The following ZNF469 variants were observed in gnomAD, a reference collection of about 807,000 sequenced individuals.
The protein encoded by ZNF469 is zinc finger protein 469.
Under a neutral mutation model 1.0 loss-of-function variants are expected in ZNF469, and 1 was observed. The observed-to-expected ratio is 1.00, with a 90% CI of 0.35 to 4.73. The LOEUF (loss-of-function observed/expected upper bound fraction) is 4.73, where lower values mean the gene tolerates loss of function less well. Among genes scored for constraint, ZNF469 ranks in the 30% most tolerant of loss-of-function variants. The probability of loss-of-function intolerance (pLI) is 0.16; values close to 1 mark genes in which losing one functional copy is unlikely to be tolerated. For synonymous variants in ZNF469, 2,703 were observed against 2,363.4 expected (o/e 1.14, Z -4.17); for missense variants, 6,100 against 5,356.3 (o/e 1.14, Z -4.33).
At chr16:88,232,566 G>A in the ZNF469 span, among the ~76,000 whole-genome samples, 2 of 152,334 alleles carry the variant, frequency 1.3e-5, no homozygotes, top group South Asian at 2.1e-4. Flanking sequence ...CCCAGTTAAC[G>A]CTGTCCTTGT....
At chr16:88,219,867 C>T in the ZNF469 span, among the ~76,000 whole-genome samples, 2 of 152,262 alleles carry the variant, frequency 1.3e-5, no homozygotes, top group Admixed American at 6.5e-5. Context: ...AGTGGCCCTC[C>T]GTGGGTACAG....
At chr16:88,317,207 G>A in the ZNF469 span, among the ~76,000 whole-genome samples, 2 of 152,214 alleles carry the variant, frequency 1.3e-5, no homozygotes, top group Non-Finnish European at 2.9e-5. Context: ...GCAGGGTGGG[G>A]AGCCGAAGCA....
rs1189665417 is a variant in ZNF469 at position 88,432,273 on chromosome 16, A to G, written c.4803A>G (p.Thr1601=). The G allele has an allele frequency of 1.2e-5, 19 of 1,547,326 alleles. No homozygotes were observed. The East Asian group carries it at 4.4e-4, about 36-fold the overall frequency. Residue 1601 remains threonine (T), a synonymous_variant, in exon 3 of 3, where the codon ACA becomes ACG. Transcript: ENST00000565624. ...AESVGRVELG[T]GTEPPSQRRT... Reference sequence around the variant, plus strand: ...CGGTGGGCAGGGTGGAGCTCGGCACAGGCACAGAGCCACCCTCCCAACGGC... The same window carrying G: ...CGGTGGGCAGGGTGGAGCTCGGCACGGGCACAGAGCCACCCTCCCAACGGC...
At chr16:88,382,446 A>C (rs564430940), upstream of ZNF469, among the ~76,000 whole-genome samples, 2 of 152,300 alleles carry the variant, frequency 1.3e-5, no homozygotes, top group South Asian at 4.1e-4. Context: ...CAAGGGACCC[A>C]GAGTGGAGAC....
the ZNF469 span, among the ~76,000 whole-genome samples, chr16:88,132,974 G>T: frequency 6.6e-6 from 1 of 152,254 alleles, no homozygotes; most frequent in Admixed American, 6.5e-5. Context: ...TGCCACTCCA[G>T]GTAGGCACAG....
chr16:88,217,353 A>G, the ZNF469 span, among the ~76,000 whole-genome samples: 22 of 152,246 alleles, frequency 1.4e-4, no homozygotes, highest in Non-Finnish European at 2.2e-4. Flanking sequence ...AGAGTTTTCT[A>G]TGGAAAGCGT....
chr16:88,317,954 C>A, the ZNF469 span, among the ~76,000 whole-genome samples: 1 of 152,236 alleles, frequency 6.6e-6, no homozygotes, highest in African/African-American at 2.4e-5. Flanking sequence ...GTGAGGTCCC[C>A]GTGCCTTGGC....
At chr16:88,366,261 T>G in the ZNF469 span, among the ~76,000 whole-genome samples, 1 of 135,298 alleles carries the variant, frequency 7.4e-6, no homozygotes, top group African/African-American at 2.8e-5. Flanking sequence ...CCACCACTAT[T>G]ATCATCACCA....
At chr16:88,110,405 C>G in the ZNF469 span, among the ~76,000 whole-genome samples, 1 of 152,260 alleles carries the variant, frequency 6.6e-6, no homozygotes, top group African/African-American at 2.4e-5. Context: ...CCACGGTCTC[C>G]GTCCGTCTTC....
the ZNF469 span, among the ~76,000 whole-genome samples, chr16:88,331,248 G>GTCACCA: frequency 1.0e-5 from 1 of 97,084 alleles, no homozygotes; most frequent in Non-Finnish European, 2.2e-5. Flanking sequence ...CATCACCATC[G>GTCACCA]TCACCATCAC....
At chr16:88,310,518 T>A in the ZNF469 span, among the ~76,000 whole-genome samples, 157 of 152,272 alleles carry the variant, frequency 1.0e-3, no homozygotes, top group African/African-American at 3.7e-3. Context: ...TTCTGTAGCC[T>A]GTGTCTTGGA....
At chr16:88,169,761 C>T in the ZNF469 span, among the ~76,000 whole-genome samples, 2 of 152,200 alleles carry the variant, frequency 1.3e-5, no homozygotes, top group Middle Eastern at 3.2e-3. This position sits in a 1 kb window ranked among gnomAD's most constrained non-coding sequence, Gnocchi z 6.1. Flanking sequence ...AGGGCTTTGG[C>T]GTGTGCATGT....
At chr16:88,386,082 A>G (rs989913218) in intron 1 of ZNF469, among the ~76,000 whole-genome samples, 1 of 151,932 alleles carries the variant, frequency 6.6e-6, no homozygotes, top group Admixed American at 6.5e-5. Context: ...GGTCCCGTGG[A>G]CTCTGCCTTC....
Position 88,431,090 on chromosome 16 carries a change from C to T in ZNF469, c.3620C>T (p.Thr1207Ile). 1 of 1,550,178 alleles carries T rather than the reference C, an allele frequency of 6.5e-7. No individual in the cohort carries two copies. Among genetic ancestry groups the T allele is most frequent in the Non-Finnish European group, 8.7e-7 (1 of 1,146,942 alleles). Residue 1207 changes from threonine to isoleucine, a missense_variant, in exon 3 of 3, where the codon ACC becomes ATC. By Grantham distance (89) the Thr-to-Ile change is moderately conservative (BLOSUM62 -1). Coordinates refer to ENST00000565624, the MANE Select transcript of ZNF469 (RefSeq NM_001367624.2). ...VAPKDPLQVP[T>I]NTETSEETRP... is the part of the protein sequence containing the mutation. ...CCCAAGGATCCCCTGCAGGTCCCCA[C>T]CAACACCGAGACCTCAGAGGAAACC...
the ZNF469 span, among the ~76,000 whole-genome samples, chr16:88,147,884 C>T: frequency 1.3e-5 from 2 of 152,142 alleles, no homozygotes; most frequent in Non-Finnish European, 2.9e-5. Context: ...ATGGAAGGGA[C>T]CCCTGAGTGT....
At chr16:88,243,966 ATGGATGGATGGATGGATGAGTC>A in the ZNF469 span, among the ~76,000 whole-genome samples, 1 of 99,884 alleles carries the variant, frequency 1.0e-5, no homozygotes, top group Non-Finnish European at 2.0e-5. Context: ...GTATGTGTGG[ATGGATGGATGGATGGATGAGTC>A]AATGAGTGAA....
chr16:88,317,954 C>T, the ZNF469 span, among the ~76,000 whole-genome samples: 1 of 152,354 alleles, frequency 6.6e-6, no homozygotes, highest in Non-Finnish European at 1.5e-5. Context: ...GTGAGGTCCC[C>T]GTGCCTTGGC....
the ZNF469 span, among the ~76,000 whole-genome samples, chr16:88,190,048 T>G: frequency 7.5e-6 from 1 of 133,208 alleles, no homozygotes. Flanking sequence ...CTTTTCTCTC[T>G]CTTGTTGCCT....
chr16:88,380,231 A>G (rs1365165713), upstream of ZNF469, among the ~76,000 whole-genome samples: 2 of 151,136 alleles, frequency 1.3e-5, no homozygotes, highest in Non-Finnish European at 3.0e-5. Flanking sequence ...ACTCACAGAC[A>G]TGCACTCACA....
Sources: gnomAD v4.1 joint callset for allele counts (sites outside exome capture counted in the v4.1 genomes callset) on GRCh38, gnomAD v4.1.1 for gene constraint, Gnocchi (gnomAD v3.1) non-coding constraint, MANE v1.5 for transcripts, NCBI Gene and HGNC (gene_info 2026-07-23, HGNC 2026-07-21) for gene names.